ETV6: variants seen among roughly 807,000 people sequenced by gnomAD.
ETV6 encodes ETS variant transcription factor 6.
Under a neutral mutation model 51.1 loss-of-function variants are expected in ETV6, and 16 were observed. The ratio of observed to expected loss-of-function variants is 0.31; its 90% confidence interval spans 0.21 to 0.48. The LOEUF is 0.48. Ranked by LOEUF, ETV6 falls within the 20% of genes least tolerant of loss-of-function variation. The pLI, the probability that ETV6 is intolerant of heterozygous loss-of-function variation, is 0.99. For missense variants in ETV6, 458 were observed against 594.8 expected (o/e 0.77, Z 2.39); for synonymous variants, 240 against 224.1 (o/e 1.07, Z -0.64).
At chr12:11,837,623 T>C (rs1352188445) in intron 2 of ETV6, among the ~76,000 whole-genome samples, 1 of 152,184 alleles carries the variant, frequency 6.6e-6, no homozygotes. Context: ...TGAAAGGTAA[T>C]TTTTTCCAGG....
At chr12:11,864,120 T>G (rs1946758310) in intron 4 of ETV6, among the ~76,000 whole-genome samples, 1 of 152,214 alleles carries the variant, frequency 6.6e-6, no homozygotes, top group African/African-American at 2.4e-5. Context: ...CCTCCTGCAT[T>G]GTTCCCAAGG....
At chr12:11,723,469 T>A (rs1458816391) in intron 1 of ETV6, among the ~76,000 whole-genome samples, 1 of 152,200 alleles carries the variant, frequency 6.6e-6, no homozygotes, top group Non-Finnish European at 1.5e-5. Flanking sequence ...AAAAGCCATA[T>A]TGTGACAAAA....
intron 2 of ETV6, among the ~76,000 whole-genome samples, chr12:11,816,752 C>T (rs1946000586): frequency 6.6e-6 from 1 of 152,182 alleles, no homozygotes; most frequent in Non-Finnish European, 1.5e-5. Flanking sequence ...GGGCACCACA[C>T]AACAGAGAGC....
rs539680241 is a variant in ETV6 at position 11,650,247 on chromosome 12, T to G, written c.33+87T>G. 31 of 1,134,232 alleles carry G rather than the reference T, an allele frequency of 2.7e-5. No individual in the cohort carries two copies. In the African/African-American group the frequency reaches 4.6e-4, roughly 17 times the overall value. 70.3% of individuals were successfully genotyped at this position (1,134,232 alleles called of 1,614,324 possible). A position where few individuals can be genotyped will look rare whatever the true frequency, so the allele number is the denominator to read the frequency against. On this transcript the variant is annotated intron_variant, in intron 1 of 7. Transcript: ENST00000396373. ...TCGTGCTGGGCTCCTCAGAGCAGGC[T>G]GTTGCAGTTGCTCTGTTCGCAGGAA... is the stretch of plus-strand genomic sequence containing the variant.
At chr12:11,698,277 T>G (rs1287869879) in intron 1 of ETV6, among the ~76,000 whole-genome samples, 1 of 152,252 alleles carries the variant, frequency 6.6e-6, no homozygotes, top group Non-Finnish European at 1.5e-5. Context: ...TTTCTATTGC[T>G]GCATAACAAA....
At chr12:11,721,847 A>G (rs558345159) in intron 1 of ETV6, among the ~76,000 whole-genome samples, 114 of 152,350 alleles carry the variant, frequency 7.5e-4, no homozygotes, top group African/African-American at 2.6e-3. Context: ...GTAAAATATT[A>G]AGATGTACAT....
intron 1 of ETV6, among the ~76,000 whole-genome samples, chr12:11,708,916 G>A (rs567296664): frequency 1.3e-5 from 2 of 152,234 alleles, no homozygotes; most frequent in East Asian, 3.9e-4. Flanking sequence ...AAATCCATTC[G>A]AAAAGGCAAG....
chr12:11,863,917 G>C (rs1044284267), intron 4 of ETV6, among the ~76,000 whole-genome samples: 6 of 152,190 alleles, frequency 3.9e-5, no homozygotes, highest in African/African-American at 1.4e-4. Context: ...GTTGTGCCCA[G>C]ACCACCAGGA....
chr12:11,708,554 A>G (rs1565493964), intron 1 of ETV6, among the ~76,000 whole-genome samples: 1 of 152,166 alleles, frequency 6.6e-6, no homozygotes, highest in Non-Finnish European at 1.5e-5. Context: ...TCTTGTGTAC[A>G]TTCCCTTCTA....
intron 1 of ETV6, among the ~76,000 whole-genome samples, chr12:11,650,481 T>TAAAAA (rs367594605): frequency 0.015 from 657 of 43,204 alleles, 53 homozygotes; most frequent in African/African-American, 0.049. Context: ...TTAGTGCGCT[T>TAAAAA]AAAAAAAAAA....
At chr12:11,750,792 CTTTTTTTTTTTTTTTT>C (rs6144613) in intron 1 of ETV6, 670 of 365,202 alleles carry the variant, frequency 1.8e-3, no homozygotes, top group South Asian at 3.1e-3. Context: ...TATGTGTGGG[CTTTTTTTTTTTTTTTT>C]TTTTTTTTTG....
At chr12:11,702,851 A>G (rs928704023) in intron 1 of ETV6, among the ~76,000 whole-genome samples, 4 of 152,242 alleles carry the variant, frequency 2.6e-5, no homozygotes, top group African/African-American at 7.2e-5. Flanking sequence ...CATGCCTGTA[A>G]TCCCAACAAT....
At chr12:11,813,010 C>A (rs1251563815) in intron 2 of ETV6, among the ~76,000 whole-genome samples, 1 of 152,152 alleles carries the variant, frequency 6.6e-6, no homozygotes, top group African/African-American at 2.4e-5. Context: ...GGAGGGAGTG[C>A]ATGGGGTAGG....
chr12:11,740,835 A>G (rs1160988623), intron 1 of ETV6, among the ~76,000 whole-genome samples: 1 of 152,204 alleles, frequency 6.6e-6, no homozygotes, highest in Non-Finnish European at 1.5e-5. Context: ...GGCAGAGGGT[A>G]TACTCTAGAG....
rs545739680 is a variant in ETV6 at position 11,804,879 on chromosome 12, A to C, written c.164-34261A>C. Among the ~76,000 whole-genome samples the C allele has an allele frequency of 2.0e-5, 3 of 152,294 alleles. No individual in the cohort carries two copies. In the South Asian group the frequency reaches 6.2e-4, roughly 32 times the overall value. On this transcript the variant is annotated intron_variant, in intron 2 of 7. Transcript: ENST00000396373. ...GACTCCAGAGTCTTTTCTTTTGGGA[A>C]GGCAAGTTTGTCCAAAAAGAAATCC... is the stretch of plus-strand genomic sequence containing the variant.
At chr12:11,695,549 A>C (rs1472316369) in intron 1 of ETV6, among the ~76,000 whole-genome samples, 1 of 152,144 alleles carries the variant, frequency 6.6e-6, no homozygotes. Flanking sequence ...GGCTGGAGGG[A>C]GAAGGACTAG....
chr12:11,778,857 T>G (rs996704274), intron 2 of ETV6, among the ~76,000 whole-genome samples: 1 of 152,226 alleles, frequency 6.6e-6, no homozygotes, highest in Non-Finnish European at 1.5e-5. Context: ...TTAGACACAT[T>G]ATTCGTTTGT....
intron 2 of ETV6, among the ~76,000 whole-genome samples, chr12:11,797,519 CAG>C (rs1448578404): frequency 3.3e-5 from 5 of 152,162 alleles, no homozygotes; most frequent in African/African-American, 9.7e-5. Context: ...GACTGGAAGA[CAG>C]AGCTGGGTAG....
chr12:11,802,929 G>T (rs906963702), intron 2 of ETV6, among the ~76,000 whole-genome samples: 1 of 152,112 alleles, frequency 6.6e-6, no homozygotes, highest in South Asian at 2.1e-4. Context: ...TCCTTATTGT[G>T]TCATAAAAAT....
Sources: gnomAD v4.1 joint callset for allele counts (sites outside exome capture counted in the v4.1 genomes callset) on GRCh38, gnomAD v4.1.1 for gene constraint, MANE v1.5 for transcripts, NCBI Gene and HGNC (gene_info 2026-07-23, HGNC 2026-07-21) for gene names.